Variants in USP47 observed in about 807,000 individuals in gnomAD.
USP47 encodes ubiquitin specific peptidase 47.
A neutral mutation model predicts 165.1 loss-of-function variants in USP47; 35 were observed. That is an observed-to-expected ratio of 0.21 (90% confidence interval 0.16 to 0.28). The LOEUF is 0.28. Among genes scored for constraint, USP47 ranks in the 10% least tolerant of loss-of-function variants. The pLI, the probability that USP47 is intolerant of heterozygous loss-of-function variation, is 1.00. For missense variants in USP47, 1,277 were observed against 1,607.4 expected, an observed-to-expected ratio of 0.79 and a Z score of 3.52; for synonymous variants, 531 against 544.5, an observed-to-expected ratio of 0.98 and a Z score of 0.35.
rs10577564 is a variant in USP47, at chr11:11,877,805, CTGTGTGTGTGTGTGTGTGTGTGTGTG to C, written c.40-2343_40-2318del. On this transcript the variant is annotated intron_variant, in intron 1 of 27. Coordinates refer to ENST00000527733, the MANE Select transcript of USP47 (RefSeq NM_001282659.2). ...TCTCTCTCTTTCTCTCTCTCTCTCT[CTGTGTGTGTGTGTGTGTGTGTGTGTG>C]TGTGTGTGTGTGTGTGTGTGTGTGT... Among the ~76,000 whole-genome samples, 17 of 71,158 alleles carry C rather than the reference CTGTGTGTGTGTGTGTGTGTGTGTGTG, an allele frequency of 2.4e-4. 1 individual carries two copies. The highest frequency in any genetic ancestry group is 7.0e-3 in the Middle Eastern group (1 of 142). The allele number at this position is 71,158 out of a possible 152,430, so 46.7% of individuals were successfully genotyped here.
Position 11,933,905 on chromosome 11 carries a change from A to G in USP47, c.1839A>G (p.Thr613=), listed in dbSNP as rs1446886218. Residue 613 remains threonine, a synonymous_variant, in exon 16 of 28, where the codon ACA becomes ACG. Coordinates refer to ENST00000527733, the MANE Select transcript of USP47 (RefSeq NM_001282659.2). ...AATTGGAGGTTCATAAGGATAAGACATTAAAGGAAGCAGTAGAAATGGCTT... is the reference window on the plus strand; with the variant it reads ...AATTGGAGGTTCATAAGGATAAGACGTTAAAGGAAGCAGTAGAAATGGCTT... ...ENKLEVHKDK[T]LKEAVEMAYK... is the part of the protein sequence containing the mutation. 1 of 1,609,644 alleles carries G rather than the reference A, an allele frequency of 6.2e-7. No individual in the cohort carries two copies. Among genetic ancestry groups the G allele is most frequent in the African/African-American group, 1.3e-5 (1 of 74,880 alleles).
Position 11,952,830 on chromosome 11 carries a change from G to A in USP47, c.3673G>A (p.Val1225Ile). Residue 1225 changes from valine (V) to isoleucine (I), a missense_variant, in exon 25 of 28, where the codon GTT (valine) becomes ATT (isoleucine). Transcript: ENST00000527733. ...SEMKLDPFQEVVLESSSVDEL... is the reference protein window; with the variant it reads ...SEMKLDPFQEIVLESSSVDEL... ...GATGAAGTTGGATCCCTTCCAGGAG[G>A]TTGTATTGGAAAGCAGTAGTGTGGA... 1 of 1,612,442 alleles carries A rather than the reference G, an allele frequency of 6.2e-7. No individual in the cohort carries two copies. The highest frequency in any genetic ancestry group is 8.5e-7 in the Non-Finnish European group (1 of 1,179,062).
intron 1 of USP47, among the ~76,000 whole-genome samples, chr11:11,842,764 C>G (rs1172437379): frequency 6.7e-6 from 1 of 149,782 alleles, no homozygotes; most frequent in Non-Finnish European, 1.5e-5. Context: ...TACCGAAGAT[C>G]GTGGAAAAGT....
intron 15 of USP47, 40 bp from the exon 16 acceptor site, chr11:11,933,791 T>C (rs1472854382): frequency 2.1e-6 from 3 of 1,417,174 alleles, no homozygotes; most frequent in East Asian, 2.3e-5. Flanking sequence ...AATTGAACTT[T>C]GGAACTGCAG....
In USP47 at chr11:11,877,958, ACT is replaced by A. The variant is rs879788050; in HGVS notation, c.40-2216_40-2215del. Among the ~76,000 whole-genome samples the A allele has an allele frequency of 2.0e-5, 3 of 151,202 alleles. No homozygotes were observed. In the Admixed American group the frequency reaches 2.0e-4, roughly 10 times the overall value. ...AGATTATTTCCATTTTTTCCTTTATACTCTTAGTATTTTTAAAAAAAGCAAAA... is the reference window on the plus strand; with the variant it reads ...AGATTATTTCCATTTTTTCCTTTATACTTAGTATTTTTAAAAAAAGCAAAA... On this transcript the variant is annotated intron_variant, in intron 1 of 27. Transcript: ENST00000527733.
rs529676173 is a variant in USP47, at chr11:11,956,923, T to C, written c.*748T>C. 1 of 152,366 alleles carries C rather than the reference T, an allele frequency of 6.6e-6. No homozygotes were observed. The highest frequency in any genetic ancestry group is 2.1e-4 in the South Asian group (1 of 4,830). The allele number at this position is 152,366 out of a possible 1,614,324, so 9.4% of individuals were successfully genotyped here. A position where few individuals can be genotyped will look rare whatever the true frequency, so the allele number is the denominator to read the frequency against. On this transcript the variant is annotated 3_prime_UTR_variant, in exon 28 of 28. Coordinates refer to ENST00000527733, the MANE Select transcript of USP47 (RefSeq NM_001282659.2). Reference sequence around the variant, plus strand: ...TCATTTATTCAGCATGTAAATAAAATTGATCCTGTTGAGTTATCATAATTG... The same window carrying C: ...TCATTTATTCAGCATGTAAATAAAACTGATCCTGTTGAGTTATCATAATTG...
chr11:11,884,835 C>T, intron 3 of USP47: 1 of 298,858 alleles, frequency 3.3e-6, no homozygotes, highest in Non-Finnish European at 6.3e-6. Context: ...AGACCACTGC[C>T]ACACCAGGGA....
At chr11:11,902,644 TTTG>T in intron 5 of USP47, 68 bp from the exon 6 acceptor site, 1 of 1,115,914 alleles carries the variant, frequency 9.0e-7, no homozygotes, top group South Asian at 2.9e-5. Flanking sequence ...TTATTATGAT[TTTG>T]ATATTAATTA....
At chr11:11,880,107 T>C in intron 1 of USP47, 70 bp from the exon 2 acceptor site, 1 of 1,070,294 alleles carries the variant, frequency 9.3e-7, no homozygotes, top group South Asian at 1.8e-5. Context: ...TCATAAAATT[T>C]TATAGCTAAT....
Position 11,942,317 on chromosome 11 carries a change from C to G in USP47, c.2314-18C>G. On this transcript the variant is annotated intron_variant, in intron 19 of 27. Coordinates refer to ENST00000527733, the MANE Select transcript of USP47 (RefSeq NM_001282659.2). ...TCACTAAAATTAATATATAATAAAA[C>G]TCTGACTTACTATGTAGGTGTTTGT... is the stretch of plus-strand genomic sequence containing the variant. 6.5e-7 allele frequency: 1 copy of G among 1,546,910 alleles called. No homozygotes were observed. Among genetic ancestry groups the G allele is most frequent in the Non-Finnish European group, 8.7e-7 (1 of 1,153,418 alleles).
At position 11,930,093 on chromosome 11, in the gene USP47, G is replaced by A; in HGVS notation, c.1568G>A (p.Arg523Lys). 1 of 1,613,264 alleles carries A rather than the reference G, an allele frequency of 6.2e-7. No homozygotes were observed. Among genetic ancestry groups the A allele is most frequent in the Non-Finnish European group, 8.5e-7 (1 of 1,179,332 alleles). Residue 523 changes from arginine (R) to lysine (K), a missense_variant, in exon 13 of 28, where the codon AGA becomes AAA. Around this residue, in one of 4 missense-constraint regions of USP47, gnomAD observed 909 missense variants for 1,068.1 expected, o/e 0.85. Coordinates refer to ENST00000527733, the MANE Select transcript of USP47 (RefSeq NM_001282659.2). ...ACACATGGTGGATCTTCAGGAAGCA[G>A]AGGATATTATTCTAGTGCTTTCGCA... Reference protein sequence around the residue: ...KKTHGGSSGSRGYYSSAFASS... With the variant: ...KKTHGGSSGSKGYYSSAFASS...
intron 17 of USP47, among the ~76,000 whole-genome samples, chr11:11,937,739 C>G (rs1356400299): frequency 6.6e-6 from 1 of 151,602 alleles, no homozygotes; most frequent in African/African-American, 2.4e-5. Context: ...AATATTTTGT[C>G]AAATTTAGAT....
At chr11:11,843,350 C>T (rs910845312) in intron 1 of USP47, among the ~76,000 whole-genome samples, 3 of 152,160 alleles carry the variant, frequency 2.0e-5, no homozygotes, top group African/African-American at 7.2e-5. Flanking sequence ...TTTGCAAGGA[C>T]GATTTTTGTA....
intron 1 of USP47, among the ~76,000 whole-genome samples, chr11:11,852,230 A>G (rs1322173049): frequency 2.0e-5 from 3 of 151,618 alleles, no homozygotes; most frequent in African/African-American, 7.3e-5. Context: ...GTGATTTTCT[A>G]TTTCTCTCAT....
intron 7 of USP47, among the ~76,000 whole-genome samples, chr11:11,903,997 C>T (rs1852388481): frequency 1.3e-5 from 2 of 152,070 alleles, no homozygotes; most frequent in South Asian, 2.1e-4. Flanking sequence ...ACTGTGATGG[C>T]TTGGACCAGT....
At chr11:11,864,605 T>C (rs115847840) in intron 1 of USP47, among the ~76,000 whole-genome samples, 173 of 152,152 alleles carry the variant, frequency 1.1e-3, no homozygotes, top group African/African-American at 3.9e-3. Context: ...AGTGTAGATA[T>C]CTCATATAGT....
chr11:11,888,604 G>A (rs1336489359), intron 3 of USP47, among the ~76,000 whole-genome samples: 1 of 152,134 alleles, frequency 6.6e-6, no homozygotes. Context: ...CAGATTTACA[G>A]CTGAATTCTA....
At chr11:11,936,260 A>C in intron 16 of USP47, 43 bp from the exon 17 acceptor site, 1 of 1,002,830 alleles carries the variant, frequency 1.0e-6, no homozygotes, top group Non-Finnish European at 1.3e-6. Context: ...ATAAATATAT[A>C]TGTATATATA....
At position 11,884,540 on chromosome 11, in the gene USP47, A is replaced by G. The variant is rs763898350; in HGVS notation, c.317A>G (p.His106Arg). The change falls in exon 3 of 28, where the codon CAT becomes CGT. Residue 106 changes from histidine to arginine, a missense_variant. Around this residue, in one of 4 missense-constraint regions of USP47, gnomAD observed 181 missense variants for 194.7 expected, o/e 0.93. Transcript: ENST00000527733. The stretch of plus-strand genomic sequence containing the variant: ...GAGCCAGGAAAGAAGAACTTTCTGC[A>G]TTTGACAGATAAAGATGGTGAACAA... ...NFEPGKKNFL[H>R]LTDKDGEQPQ... The G allele has an allele frequency of 1.9e-6, 3 of 1,611,830 alleles. No individual in the cohort carries two copies. The highest frequency in any genetic ancestry group is 1.1e-5 in the South Asian group (1 of 90,528).
Sources: gnomAD v4.1 joint callset for allele counts (sites outside exome capture counted in the v4.1 genomes callset) on GRCh38, gnomAD v4.1.1 for gene constraint, gnomAD v4.1.1 regional missense constraint, MANE v1.5 for transcripts, NCBI Gene and HGNC (gene_info 2026-07-23, HGNC 2026-07-21) for gene names.